TTLL7: variants seen among roughly 807,000 people sequenced by gnomAD.
TTLL7 encodes the protein tubulin polyglutamylase TTLL7.
In TTLL7, 53 loss-of-function variants were observed where a neutral mutation model predicts 120.2. The ratio of observed to expected loss-of-function variants is 0.44; its 90% CI spans 0.35 to 0.55. The LOEUF (loss-of-function observed/expected upper bound fraction) is 0.55. TTLL7 is among the 20% of genes least tolerant of loss of function. The pLI, the probability that TTLL7 is intolerant of heterozygous loss-of-function variation, is 0.00. For missense variants in TTLL7, 803 were observed against 1,054.7 expected, an observed-to-expected ratio of 0.76 and a Z score of 3.31; for synonymous variants, 353 against 351.7, an observed-to-expected ratio of 1.00 and a Z score of -0.04.
At chr1:83,957,161 A>C (rs948947872) in intron 1 of TTLL7, among the ~76,000 whole-genome samples, 1 of 152,182 alleles carries the variant, frequency 6.6e-6, no homozygotes, top group Admixed American at 6.5e-5. Flanking sequence ...TCCACCCCTA[A>C]AGTCTAAAAT....
At chr1:83,936,987 G>A (rs1647452628) in intron 8 of TTLL7, among the ~76,000 whole-genome samples, 1 of 152,014 alleles carries the variant, frequency 6.6e-6, no homozygotes, top group Admixed American at 6.6e-5. Flanking sequence ...TTGGATTTAT[G>A]GCCTGTGATA....
chr1:83,916,100 A>G (rs1027423543), intron 14 of TTLL7, among the ~76,000 whole-genome samples: 2 of 152,184 alleles, frequency 1.3e-5, no homozygotes, highest in Non-Finnish European at 2.9e-5. Flanking sequence ...TCAGGGATCT[A>G]GAACTAGAAA....
intron 1 of TTLL7, among the ~76,000 whole-genome samples, chr1:83,963,140 A>G (rs1419546451): frequency 6.6e-6 from 1 of 152,094 alleles, no homozygotes; most frequent in Non-Finnish European, 1.5e-5. Context: ...CATAAGCTTT[A>G]GGTGGAGTTG....
At chr1:83,905,377 C>A (rs1480601330) in intron 17 of TTLL7, among the ~76,000 whole-genome samples, 2 of 151,436 alleles carry the variant, frequency 1.3e-5, no homozygotes, top group African/African-American at 4.8e-5. Context: ...GCAAGAAAGT[C>A]TCTTTTATTG....
Position 83,909,615 on chromosome 1 carries a change from G to T in TTLL7, c.1786+1550C>A, listed in dbSNP as rs552117126. ...AAAATAAAATATAACTAATAAAAAA[G>T]ACATGTAATTAAATTAGGCTAGATT... is the stretch of plus-strand genomic sequence containing the variant. On this transcript the variant is annotated intron_variant, in intron 15 of 20. Coordinates refer to ENST00000260505, the MANE Select transcript of TTLL7 (RefSeq NM_024686.6). 5.9e-5 allele frequency among the ~76,000 whole-genome samples: 9 copies of T among 152,046 alleles called. No homozygotes were observed. The East Asian group carries it at 1.5e-3, about 26-fold the overall frequency.
chr1:83,885,139 G>A (rs1391094776), intron 19 of TTLL7: 1 of 244,970 alleles, frequency 4.1e-6, no homozygotes, highest in Non-Finnish European at 6.5e-6. Flanking sequence ...AGTATACTTT[G>A]ATTTAGCAGA....
intron 6 of TTLL7, 30 bp downstream of exon 6, chr1:83,947,094 T>C: frequency 6.5e-7 from 1 of 1,542,200 alleles, no homozygotes; most frequent in Non-Finnish European, 8.7e-7. Flanking sequence ...TTTTTTTATT[T>C]TTATATATTC....
At chr1:83,879,578 T>A (rs1654260412) in intron 20 of TTLL7, among the ~76,000 whole-genome samples, 1 of 151,944 alleles carries the variant, frequency 6.6e-6, no homozygotes, top group South Asian at 2.1e-4. Context: ...ATTCCATAAT[T>A]CAGTATTAGA....
At chr1:83,891,147 T>C (rs1571073513) in intron 18 of TTLL7, among the ~76,000 whole-genome samples, 1 of 152,058 alleles carries the variant, frequency 6.6e-6, no homozygotes, top group East Asian at 1.9e-4. Flanking sequence ...TAAGAACTTC[T>C]GGTCATTAAA....
intron 1 of TTLL7, among the ~76,000 whole-genome samples, chr1:83,990,195 G>A (rs1652852906): frequency 1.5e-5 from 2 of 137,658 alleles, no homozygotes; most frequent in African/African-American, 5.4e-5. Flanking sequence ...TTGAGACGGA[G>A]TCTCGCTCTG....
intron 18 of TTLL7, among the ~76,000 whole-genome samples, chr1:83,898,384 G>A (rs1171675256): frequency 6.6e-6 from 1 of 151,854 alleles, no homozygotes; most frequent in Non-Finnish European, 1.5e-5. Flanking sequence ...TTAAGCACAA[G>A]GACCCTTCAA....
intron 1 of TTLL7, among the ~76,000 whole-genome samples, chr1:83,978,670 T>A (rs1406490948): frequency 6.6e-6 from 1 of 152,214 alleles, no homozygotes; most frequent in Admixed American, 6.5e-5. Flanking sequence ...ATCAGAATTA[T>A]ATCAGAAGGC....
intron 1 of TTLL7, among the ~76,000 whole-genome samples, chr1:83,952,980 G>C (rs1436145980): frequency 6.6e-6 from 1 of 152,142 alleles, no homozygotes; most frequent in Non-Finnish European, 1.5e-5. Context: ...TTGACAGAAT[G>C]CAGAGAAGTG....
In TTLL7 at chr1:83,919,877, T is replaced by C. The variant is rs370329053; in HGVS notation, c.1365-43A>G. 3 of 1,589,800 alleles carry C rather than the reference T, an allele frequency of 1.9e-6. No homozygotes were observed. In the South Asian group the frequency reaches 3.4e-5, roughly 18 times the overall value. On this transcript the variant is annotated intron_variant, in intron 12 of 20. Transcript: ENST00000260505. Reference sequence around the variant, plus strand: ...AAACCAATTTTTTAAAAAGAAGCTGTCGTAGCTCAATAGTTAACATCAACT... The same window carrying C: ...AAACCAATTTTTTAAAAAGAAGCTGCCGTAGCTCAATAGTTAACATCAACT...
intron 3 of TTLL7, among the ~76,000 whole-genome samples, chr1:83,950,429 T>C (rs1648938878): frequency 6.6e-6 from 1 of 152,176 alleles, no homozygotes; most frequent in Admixed American, 6.5e-5. Context: ...GTTCAAATTA[T>C]TTTTAGTACT....
intron 14 of TTLL7, among the ~76,000 whole-genome samples, chr1:83,915,542 G>A (rs1012824862): frequency 3.3e-5 from 5 of 152,026 alleles, no homozygotes; most frequent in Admixed American, 6.6e-5. Flanking sequence ...AAAAACCCTA[G>A]AAGAAAACCT....
At chr1:83,904,262 C>CAA in intron 17 of TTLL7, 103 bp from the exon 18 acceptor site, 4 of 792,158 alleles carry the variant, frequency 5.0e-6, no homozygotes, top group Non-Finnish European at 8.1e-6. Flanking sequence ...CAAATAATGC[C>CAA]AACTTTCATA....
chr1:83,875,102 C>A lies in TTLL7; in HGVS notation c.2544-5020G>T, dbSNP rs567236994. On this transcript the variant is annotated intron_variant, in intron 20 of 20. Transcript: ENST00000260505. ...TATTATAAAGTTGTGTCATTATCAC[C>A]CATGTTAAGTAACTGAACATTCCTA... Among the ~76,000 whole-genome samples the A allele has an allele frequency of 8.6e-4, 130 of 151,790 alleles. 1 individual carries two copies. In the South Asian group the frequency reaches 0.026, roughly 31 times the overall value.
At chr1:83,939,684 CACT>C (rs979977210) in intron 7 of TTLL7, among the ~76,000 whole-genome samples, 13 of 152,106 alleles carry the variant, frequency 8.5e-5, no homozygotes, top group African/African-American at 3.1e-4. Flanking sequence ...ATTGGCCAAC[CACT>C]ACATTGGTAG....
Sources: allele counts gnomAD v4.1 joint callset (sites outside exome capture counted in the v4.1 genomes callset), GRCh38; gene constraint gnomAD v4.1.1; transcripts MANE v1.5; gene names NCBI Gene and HGNC (gene_info 2026-07-23, HGNC 2026-07-21).